The following EZH2 variants were observed in gnomAD, a reference collection of about 807,000 sequenced individuals.
EZH2 encodes the protein histone-lysine N-methyltransferase EZH2.
Under a neutral mutation model 98.4 loss-of-function variants are expected in EZH2, and 18 were observed. That is an observed-to-expected ratio of 0.18 (90% CI 0.13 to 0.27). EZH2 has a LOEUF of 0.27. Ranked by LOEUF, EZH2 falls within the 10% of genes least tolerant of loss-of-function variation. EZH2 has a pLI of 1.00. For synonymous variants in EZH2, 338 were observed against 312.3 expected, an observed-to-expected ratio of 1.08 and a Z score of -0.87; for missense variants, 470 against 935.1, an observed-to-expected ratio of 0.50 and a Z score of 6.49.
chr7:148,814,282 G>T, intron 14 of EZH2, 145 bp from the exon 15 acceptor site: 2 of 685,024 alleles, frequency 2.9e-6, no homozygotes, highest in East Asian at 2.6e-5. Flanking sequence ...ACAAGGAAAT[G>T]GAAGTATTAA....
chr7:148,826,659 T>C, intron 7 of EZH2, 27 bp from the exon 8 acceptor site: 1 of 1,442,040 alleles, frequency 6.9e-7, no homozygotes, highest in Non-Finnish European at 9.2e-7. Context: ...AAAATTTAAG[T>C]AAACATGAAA....
In EZH2 at chr7:148,807,654, T is replaced by G; in HGVS notation, c.2248A>C (p.Ile750Leu). The G allele has an allele frequency of 1.3e-6, 2 of 1,597,408 alleles. No homozygotes were observed. Among genetic ancestry groups the G allele is most frequent in the South Asian group, 2.3e-5 (2 of 87,932 alleles). The stretch of plus-strand genomic sequence containing the variant: ...GGAGGAGGTAGCAGATGTCAAGGGA[T>G]TTCCATTTCTCTTTCGATGCCGACA... ...KYVGIEREMEIP is the reference protein window; with the variant it reads ...KYVGIEREMELP The change falls in exon 20 of 20, where the codon ATC becomes CTC. Residue 750 changes from isoleucine to leucine, a missense_variant. Physicochemically the swap from Ile to Leu is conservative, Grantham distance 5 (BLOSUM62 2). Around this residue, in one of 6 missense-constraint regions of EZH2, gnomAD observed 106 missense variants for 327.2 expected, o/e 0.32. Transcript: ENST00000320356.
In EZH2 at chr7:148,807,433, T is replaced by C. The variant is rs1207326946; in HGVS notation, c.*213A>G. ...AAGTTGAAAAATGTACCATACTGCATTATTGCAAAAATTCACTGGTACAAA... is the reference window on the plus strand; with the variant it reads ...AAGTTGAAAAATGTACCATACTGCACTATTGCAAAAATTCACTGGTACAAA... On this transcript the variant is annotated 3_prime_UTR_variant, in exon 20 of 20. Coordinates refer to ENST00000320356, the MANE Select transcript of EZH2 (RefSeq NM_004456.5). 1 of 569,882 alleles carries C rather than the reference T, an allele frequency of 1.8e-6. No individual in the cohort carries two copies. Among genetic ancestry groups the C allele is most frequent in the Non-Finnish European group, 3.1e-6 (1 of 319,588 alleles). 35.3% of individuals were successfully genotyped at this position (569,882 alleles called of 1,614,324 possible). A position where few individuals can be genotyped will look rare whatever the true frequency, so the allele number is the denominator to read the frequency against.
rs1447210178 is a variant in EZH2 at position 148,844,814 on chromosome 7, T to C, written c.246+1656A>G. On this transcript the variant is annotated intron_variant, in intron 3 of 19. Coordinates refer to ENST00000320356, the MANE Select transcript of EZH2 (RefSeq NM_004456.5). ...CTTAAATTTAATGCCAAATATACTA[T>C]GAGCAATTCAAGTTGTATGTCAATA... Among the ~76,000 whole-genome samples, 3 of 152,186 alleles carry C rather than the reference T, an allele frequency of 2.0e-5. No homozygotes were observed. The East Asian group carries it at 5.8e-4, about 29-fold the overall frequency.
intron 1 of EZH2, among the ~76,000 whole-genome samples, chr7:148,871,904 G>T (rs1053959619): frequency 3.3e-5 from 5 of 152,018 alleles, no homozygotes; most frequent in African/African-American, 1.2e-4. Context: ...ATGGCTGGTT[G>T]AAAAAAATCC....
At chr7:148,840,050 T>C (rs1256574142) in intron 3 of EZH2, among the ~76,000 whole-genome samples, 1 of 152,198 alleles carries the variant, frequency 6.6e-6, no homozygotes, top group South Asian at 2.1e-4. Context: ...AGATTGATAA[T>C]ATTGTGTTGA....
chr7:148,861,228 CT>C (rs200267826), intron 1 of EZH2, among the ~76,000 whole-genome samples: 68,779 of 133,088 alleles, frequency 0.52, 16,166 homozygotes, highest in African/African-American at 0.6. Context: ...TTATTTGTAT[CT>C]TTTTTTTTTT....
At chr7:148,853,138 G>C (rs56724177) in intron 1 of EZH2, among the ~76,000 whole-genome samples, 1,872 of 152,244 alleles carry the variant, frequency 0.012, 46 homozygotes, top group African/African-American at 0.043. Flanking sequence ...CATAAGGATG[G>C]CCAGGCATGG....
At chr7:148,883,870 A>G (rs1223733151) in intron 1 of EZH2, among the ~76,000 whole-genome samples, 2 of 151,280 alleles carry the variant, frequency 1.3e-5, no homozygotes, top group African/African-American at 4.9e-5. Flanking sequence ...GGCCAGGACA[A>G]GCACCGGGAA....
At chr7:148,850,643 A>G (rs1815490376) in intron 1 of EZH2, among the ~76,000 whole-genome samples, 1 of 152,152 alleles carries the variant, frequency 6.6e-6, no homozygotes, top group South Asian at 2.1e-4. Flanking sequence ...ATTTCACTCT[A>G]TTCCCACTGT....
chr7:148,856,158 A>G (rs1024601945), intron 1 of EZH2, among the ~76,000 whole-genome samples: 3 of 152,146 alleles, frequency 2.0e-5, no homozygotes, highest in Non-Finnish European at 2.9e-5. Context: ...GGGGGGAGCT[A>G]ATCTACAGAA....
In EZH2 at chr7:148,847,781, A is replaced by C. The variant is rs1814547315; in HGVS notation, c.-7-476T>G. ...ACTAAAAGTAGAAAACATACAGTTC[A>C]CCATATAATAAAATGTACAAAGGTA... On this transcript the variant is annotated intron_variant, in intron 1 of 19. Transcript: ENST00000320356. Among the ~76,000 whole-genome samples the C allele has an allele frequency of 2.0e-5, 3 of 152,230 alleles. No individual in the cohort carries two copies. In the South Asian group the frequency reaches 6.2e-4, roughly 31 times the overall value.
Position 148,809,404 on chromosome 7 carries a change from A to C in EZH2, c.2030-14T>G. 1 of 1,588,846 alleles carries C rather than the reference A, an allele frequency of 6.3e-7. No individual in the cohort carries two copies. The highest frequency in any genetic ancestry group is 8.6e-7 in the Non-Finnish European group (1 of 1,158,514). ...CCACCACAAAATCTAAAAAGAAAAA[A>C]GTAAGCACAGCCCAGTGAATAATTT... is the stretch of plus-strand genomic sequence containing the variant. On this transcript the variant is annotated splice_polypyrimidine_tract_variant and intron_variant, in intron 17 of 19. Coordinates refer to ENST00000320356, the MANE Select transcript of EZH2 (RefSeq NM_004456.5).
At chr7:148,808,757 A>T (rs1166804597) in intron 19 of EZH2, among the ~76,000 whole-genome samples, 1 of 152,240 alleles carries the variant, frequency 6.6e-6, no homozygotes, top group Non-Finnish European at 1.5e-5. Context: ...CTTATCTGGA[A>T]AACGCTCCAC....
chr7:148,859,312 C>A (rs946838981), intron 1 of EZH2, among the ~76,000 whole-genome samples: 1 of 152,106 alleles, frequency 6.6e-6, no homozygotes, highest in African/African-American at 2.4e-5. Context: ...TCAAGACCAG[C>A]CTGGCCAAGA....
At chr7:148,870,934 A>G (rs1463483095) in intron 1 of EZH2, among the ~76,000 whole-genome samples, 1 of 148,292 alleles carries the variant, frequency 6.7e-6, no homozygotes, top group Non-Finnish European at 1.5e-5. Context: ...GTCTCAAAGA[A>G]AAAAAAAAAA....
rs886735712 is a variant in EZH2, at chr7:148,884,273, A to G, written c.-117T>C. On this transcript the variant is annotated 5_prime_UTR_variant, in exon 1 of 20. Transcript: ENST00000320356. Reference sequence around the variant, plus strand: ...TGAGTCCCACCGGGTGTCGGACGCGACCGGACCGAGCGCCAAACGCGGCAG... The same window carrying G: ...TGAGTCCCACCGGGTGTCGGACGCGGCCGGACCGAGCGCCAAACGCGGCAG... 4.8e-4 allele frequency: 88 copies of G among 182,562 alleles called. 1 individual carries two copies. Among genetic ancestry groups the G allele is most frequent in the African/African-American group, 2.1e-3 (87 of 42,204 alleles). The allele number at this position is 182,562 out of a possible 1,614,324, so 11.3% of individuals were successfully genotyped here.
At chr7:148,878,053 T>A (rs999821041) in intron 1 of EZH2, among the ~76,000 whole-genome samples, 1 of 152,212 alleles carries the variant, frequency 6.6e-6, no homozygotes. Flanking sequence ...AGTGTGTTAT[T>A]AAATTTTGTA....
chr7:148,813,371 G>C (rs1188063346), intron 15 of EZH2, among the ~76,000 whole-genome samples: 1 of 151,130 alleles, frequency 6.6e-6, no homozygotes, highest in African/African-American at 2.4e-5. Flanking sequence ...AATACATGCT[G>C]CTGAAGTGTC....
Sources: gnomAD v4.1 joint callset for allele counts (sites outside exome capture counted in the v4.1 genomes callset) on GRCh38, gnomAD v4.1.1 for gene constraint, gnomAD v4.1.1 regional missense constraint, MANE v1.5 for transcripts, NCBI Gene and HGNC (gene_info 2026-07-23, HGNC 2026-07-21) for gene names.